Variants in XNDC1N observed in about 807,000 individuals in gnomAD.
XNDC1N encodes the protein protein XNDC1N.
At chr11:71,900,594 C>T in the XNDC1N span, among the ~76,000 whole-genome samples, 3 of 152,194 alleles carry the variant, frequency 2.0e-5, no homozygotes, top group Admixed American at 6.5e-5. Flanking sequence ...TCATAGACAT[C>T]TCACTCATGA....
chr11:71,868,941 A>G, the XNDC1N span, among the ~76,000 whole-genome samples: 3 of 152,158 alleles, frequency 2.0e-5, no homozygotes, highest in African/African-American at 7.2e-5. Context: ...GTCGCTTTAC[A>G]TAATTCCATA....
chr11:71,914,671 G>C, the XNDC1N span, among the ~76,000 whole-genome samples: 1 of 150,772 alleles, frequency 6.6e-6, no homozygotes, highest in African/African-American at 2.5e-5. Context: ...CTAGGTGACA[G>C]AGAGAGACTT....
the XNDC1N span, chr11:71,923,551 TTC>T: frequency 2.0e-5 from 11 of 544,510 alleles, no homozygotes; most frequent in East Asian, 5.9e-5. Flanking sequence ...GTCAGTTCAT[TTC>T]TGTTTTGTTT....
At chr11:71,907,944 G>A in the XNDC1N span, among the ~76,000 whole-genome samples, 2 of 152,100 alleles carry the variant, frequency 1.3e-5, no homozygotes, top group Admixed American at 6.5e-5. Flanking sequence ...GCAAAATCAC[G>A]GGTGGATGCA....
the XNDC1N span, among the ~76,000 whole-genome samples, chr11:71,871,763 A>G: frequency 3.3e-5 from 5 of 152,230 alleles, no homozygotes; most frequent in African/African-American, 4.8e-5. Flanking sequence ...TGAAAAGATT[A>G]TCAGAATCAT....
the XNDC1N span, among the ~76,000 whole-genome samples, chr11:71,900,373 C>T: frequency 2.0e-5 from 3 of 152,022 alleles, no homozygotes; most frequent in Non-Finnish European, 4.4e-5. Flanking sequence ...AGGGGCAGGC[C>T]ACCCCTTCAA....
At chr11:71,918,774 T>G in the XNDC1N span, 1 of 631,736 alleles carries the variant, frequency 1.6e-6, no homozygotes, top group Non-Finnish European at 2.9e-6. Context: ...GTAAAACTTA[T>G]TCCATAAAGG....
At chr11:71,878,364 C>G in the XNDC1N span, 40 of 1,436,716 alleles carry the variant, frequency 2.8e-5, no homozygotes, top group Non-Finnish European at 3.7e-5. Context: ...AATCACTCAG[C>G]AACTCACCTC....
the XNDC1N span, chr11:71,919,019 T>C: frequency 1.0e-5 from 7 of 702,654 alleles, no homozygotes; most frequent in African/African-American, 1.7e-5. Context: ...TACAGGATAC[T>C]TGGGATCCTA....
chr11:71,897,322 G>T, the XNDC1N span, among the ~76,000 whole-genome samples: 4 of 152,178 alleles, frequency 2.6e-5, no homozygotes, highest in Non-Finnish European at 1.5e-5. Flanking sequence ...TATTTGCAAA[G>T]CATATATCTG....
chr11:71,912,848 G>A, the XNDC1N span, among the ~76,000 whole-genome samples: 1 of 152,132 alleles, frequency 6.6e-6, no homozygotes, highest in Non-Finnish European at 1.5e-5. Context: ...CTGCGATATT[G>A]AGAGTAGTAT....
the XNDC1N span, among the ~76,000 whole-genome samples, chr11:71,897,816 G>A: frequency 6.6e-6 from 1 of 152,198 alleles, no homozygotes; most frequent in Non-Finnish European, 1.5e-5. Flanking sequence ...GCAACCCAAG[G>A]GTTCGTGGAC....
the XNDC1N span, among the ~76,000 whole-genome samples, chr11:71,898,381 C>T: frequency 2.0e-5 from 3 of 151,950 alleles, no homozygotes; most frequent in Non-Finnish European, 4.4e-5. Flanking sequence ...CTGAGGCAGG[C>T]GGATCACTTA....
the XNDC1N span, among the ~76,000 whole-genome samples, chr11:71,896,816 G>A: frequency 3.3e-5 from 5 of 152,194 alleles, no homozygotes; most frequent in Non-Finnish European, 5.9e-5. Flanking sequence ...CACCCGCCTC[G>A]GCCTCCCAAA....
At chr11:71,913,740 T>C in the XNDC1N span, among the ~76,000 whole-genome samples, 21 of 145,068 alleles carry the variant, frequency 1.4e-4, no homozygotes, top group East Asian at 2.5e-3. Context: ...AGAAGAGAAG[T>C]CAACGCCTGG....
chr11:71,866,784 C>T, the XNDC1N span, among the ~76,000 whole-genome samples: 1 of 151,496 alleles, frequency 6.6e-6, no homozygotes, highest in African/African-American at 2.4e-5. Context: ...AAGACAAAGG[C>T]AATACTATAT....
At chr11:71,889,044 G>A in the XNDC1N span, among the ~76,000 whole-genome samples, 331 of 152,260 alleles carry the variant, frequency 2.2e-3, 1 homozygote, top group Middle Eastern at 0.027. Context: ...GGTATGCAGG[G>A]GTAACCCTGG....
chr11:71,899,831 AAAGAGGAAAG>A, the XNDC1N span, among the ~76,000 whole-genome samples: 1 of 152,212 alleles, frequency 6.6e-6, no homozygotes, highest in South Asian at 2.1e-4. Flanking sequence ...TGGATTAGTC[AAAGAGGAAAG>A]CCTCTTGCAG....
the XNDC1N span, among the ~76,000 whole-genome samples, chr11:71,881,424 T>C: frequency 6.6e-6 from 1 of 152,200 alleles, no homozygotes; most frequent in Non-Finnish European, 1.5e-5. Context: ...CTCACAGTTC[T>C]GGAAGTTATA....
Sources: allele counts gnomAD v4.1 joint callset (sites outside exome capture counted in the v4.1 genomes callset), GRCh38; gene constraint gnomAD v4.1.1; transcripts MANE v1.5; gene names NCBI Gene and HGNC (gene_info 2026-07-23, HGNC 2026-07-21).